Variants in ST8SIA6 observed in about 807,000 individuals in gnomAD.
ST8SIA6 encodes alpha-2,8-sialyltransferase 8F.
ST8SIA6 carries 39 observed loss-of-function variants against 33.6 expected under a neutral mutation model. The ratio of observed to expected loss-of-function variants is 1.16; its 90% CI spans 0.90 to 1.52. The LOEUF is 1.52. ST8SIA6 is among the 40% of genes most tolerant of loss of function. ST8SIA6 has a pLI of 0.00. For missense variants in ST8SIA6, 441 were observed against 443.8 expected (o/e 0.99, Z 0.06); for synonymous variants, 172 against 167.2 (o/e 1.03, Z -0.22).
At chr10:17,441,648 T>C (rs1046604927) in intron 2 of ST8SIA6, among the ~76,000 whole-genome samples, 1 of 152,034 alleles carries the variant, frequency 6.6e-6, no homozygotes, top group Non-Finnish European at 1.5e-5. Context: ...AGAGATCCCA[T>C]TGTGCCAGCA....
chr10:17,436,982 C>T (rs1223595910), intron 2 of ST8SIA6, among the ~76,000 whole-genome samples: 4 of 152,136 alleles, frequency 2.6e-5, no homozygotes, highest in Non-Finnish European at 2.9e-5. Flanking sequence ...TGCTCAGTCT[C>T]GGGTACGTCT....
chr10:17,329,162 A>G (rs1056677448), intron 5 of ST8SIA6, among the ~76,000 whole-genome samples: 2 of 152,210 alleles, frequency 1.3e-5, no homozygotes, highest in Non-Finnish European at 2.9e-5. Context: ...TTGCCTTTGA[A>G]ATGTAAAAGT....
intron 3 of ST8SIA6, among the ~76,000 whole-genome samples, chr10:17,388,950 T>C (rs1034531874): frequency 6.6e-6 from 1 of 152,226 alleles, no homozygotes; most frequent in Middle Eastern, 3.4e-3. Flanking sequence ...CCCATGTTGC[T>C]CCTGGGGATA....
At chr10:17,328,641 C>T (rs1848207540) in intron 5 of ST8SIA6, among the ~76,000 whole-genome samples, 1 of 152,154 alleles carries the variant, frequency 6.6e-6, no homozygotes, top group African/African-American at 2.4e-5. Context: ...TTAATTTCCC[C>T]TCATTTTTCC....
intron 3 of ST8SIA6, among the ~76,000 whole-genome samples, chr10:17,363,290 A>ATG (rs79432164): frequency 0.16 from 24,514 of 150,734 alleles, 1,985 homozygotes; most frequent in African/African-American, 0.17. Flanking sequence ...AGGCATGCAT[A>ATG]TGTGTGTGTG....
chr10:17,427,814 G>A (rs1308331050), intron 2 of ST8SIA6, among the ~76,000 whole-genome samples: 2 of 152,208 alleles, frequency 1.3e-5, no homozygotes, highest in South Asian at 2.1e-4. Context: ...TTGATAAGGC[G>A]ATGCCTTGCA....
intron 3 of ST8SIA6, among the ~76,000 whole-genome samples, chr10:17,370,312 T>C (rs1244661150): frequency 1.3e-5 from 2 of 152,190 alleles, no homozygotes; most frequent in African/African-American, 4.8e-5. Context: ...ATTGGGTGAT[T>C]TAATCCATTC....
intron 2 of ST8SIA6, among the ~76,000 whole-genome samples, chr10:17,398,805 A>G (rs969724969): frequency 6.6e-6 from 1 of 152,126 alleles, no homozygotes; most frequent in East Asian, 1.9e-4. Context: ...CACCCTAGCC[A>G]CCAGCATCCT....
intron 5 of ST8SIA6, among the ~76,000 whole-genome samples, chr10:17,329,774 T>A (rs1442630114): frequency 6.6e-6 from 1 of 152,194 alleles, no homozygotes; most frequent in Non-Finnish European, 1.5e-5. Flanking sequence ...TTAAATAAAT[T>A]ACAAATCTCA....
intron 4 of ST8SIA6, among the ~76,000 whole-genome samples, chr10:17,340,660 A>G (rs1051544849): frequency 2.6e-5 from 4 of 152,102 alleles, no homozygotes. Flanking sequence ...TTTGAGTGTT[A>G]TTTCTTTTGC....
chr10:17,453,585 C>T lies in ST8SIA6; in HGVS notation c.174G>A (p.Ala58=). 2 of 1,326,758 alleles carry T rather than the reference C, an allele frequency of 1.5e-6. No homozygotes were observed. Among genetic ancestry groups the T allele is most frequent in the Non-Finnish European group, 1.9e-6 (2 of 1,030,968 alleles). The allele number at this position is 1,326,758 out of a possible 1,614,324, so 82.2% of individuals were successfully genotyped here. Residue 58 remains alanine (A), a synonymous_variant, in exon 2 of 8, where the codon GCG becomes GCA. Transcript: ENST00000377602. ...PAALRTLRSP[A]TAVPRATNST... ...TGTTAGTGGCGCGCGGTACCGCGGT[C>T]GCCGGGCTCCGGAGCGTCCTCAGCG... is the stretch of plus-strand genomic sequence containing the variant.
chr10:17,426,350 A>C (rs1851937662), intron 2 of ST8SIA6, among the ~76,000 whole-genome samples: 1 of 152,216 alleles, frequency 6.6e-6, no homozygotes, highest in African/African-American at 2.4e-5. Context: ...AAACAGATAC[A>C]TAAGGAAATG....
chr10:17,448,226 A>G (rs926060228), intron 2 of ST8SIA6, among the ~76,000 whole-genome samples: 7 of 152,226 alleles, frequency 4.6e-5, no homozygotes, highest in African/African-American at 7.2e-5. Flanking sequence ...GAACCTCTAT[A>G]GGAAAACAGA....
chr10:17,368,830 C>T (rs1333507741), intron 3 of ST8SIA6, among the ~76,000 whole-genome samples: 1 of 152,044 alleles, frequency 6.6e-6, no homozygotes, highest in Non-Finnish European at 1.5e-5. Flanking sequence ...ATGTGGGTGG[C>T]TGTAATCCAC....
chr10:17,401,078 A>C (rs556948575), intron 2 of ST8SIA6, among the ~76,000 whole-genome samples: 1 of 152,332 alleles, frequency 6.6e-6, no homozygotes, highest in East Asian at 1.9e-4. Flanking sequence ...CAACTTCAGC[A>C]AAGTCTCAGG....
At chr10:17,369,588 C>T (rs2131630165) in intron 3 of ST8SIA6, among the ~76,000 whole-genome samples, 1 of 152,216 alleles carries the variant, frequency 6.6e-6, no homozygotes, top group African/African-American at 2.4e-5. Context: ...TTATGGTGTT[C>T]TTCAGGGTCT....
chr10:17,389,720 G>A (rs1335347156), intron 3 of ST8SIA6, among the ~76,000 whole-genome samples: 1 of 152,182 alleles, frequency 6.6e-6, no homozygotes, highest in Non-Finnish European at 1.5e-5. Flanking sequence ...TTTTGTACAA[G>A]TGTGTATTTT....
At chr10:17,420,406 C>T (rs552898179) in intron 2 of ST8SIA6, among the ~76,000 whole-genome samples, 27 of 151,528 alleles carry the variant, frequency 1.8e-4, no homozygotes, top group East Asian at 5.8e-4. Context: ...AGCGAGACTC[C>T]GTCAAAAAAA....
In ST8SIA6 at chr10:17,359,595, G is replaced by T; in HGVS notation, c.296C>A (p.Ser99Ter). The T allele has an allele frequency of 1.3e-6, 2 of 1,590,556 alleles. No homozygotes were observed. The highest frequency in any genetic ancestry group is 1.2e-5 in the South Asian group (1 of 86,026). The change falls in exon 4 of 8, where the codon TCA (serine) becomes TAA (stop). Residue 99 changes from serine (S) to a stop codon, truncating the protein, a stop_gained. Transcript: ENST00000377602. LOFTEE classifies it high-confidence loss of function. ...GATAATCTGAAGGTAGTCGTTCTCT[G>T]AATACCTAAAAATTAAATGTCAATA... Reference protein sequence around the residue: ...ESFSNKTKGYSENDYLQIITD... With the variant: ...ESFSNKTKGY
Sources: gnomAD v4.1 joint callset for allele counts (sites outside exome capture counted in the v4.1 genomes callset) on GRCh38, gnomAD v4.1.1 for gene constraint, MANE v1.5 for transcripts, NCBI Gene and HGNC (gene_info 2026-07-23, HGNC 2026-07-21) for gene names.